The following TMEM184B variants were observed in gnomAD, a reference collection of about 807,000 sequenced individuals.
TMEM184B encodes transmembrane protein 184B.
In TMEM184B, 17 loss-of-function variants were observed where a neutral mutation model predicts 41.8. The observed-to-expected ratio is 0.41, with a 90% confidence interval of 0.28 to 0.61. TMEM184B has a LOEUF of 0.61. Ranked by LOEUF, TMEM184B falls within the 20% of genes least tolerant of loss-of-function variation. TMEM184B has a pLI of 0.34. For missense variants in TMEM184B, 393 were observed against 557.8 expected (o/e 0.70, Z 2.98); for synonymous variants, 240 against 229.5 (o/e 1.05, Z -0.41).
intron 3 of TMEM184B, among the ~76,000 whole-genome samples, chr22:38,235,102 C>G (rs2091740134): frequency 6.6e-6 from 1 of 152,204 alleles, no homozygotes; most frequent in Non-Finnish European, 1.5e-5. Context: ...GTCATCAACA[C>G]TGAAGGAAGG....
downstream of TMEM184B, chr22:38,219,160 C>A (rs999284064): frequency 9.9e-6 from 7 of 706,694 alleles, no homozygotes; most frequent in Non-Finnish European, 1.2e-5. Context: ...TCAATCCGAA[C>A]CCCCATCACT....
downstream of TMEM184B, chr22:38,219,222 G>T (rs923586308): frequency 1.0e-6 from 1 of 981,190 alleles, no homozygotes; most frequent in African/African-American, 1.7e-5. Context: ...TGTACCCACA[G>T]CCACTCCACC....
Position 38,220,211 on chromosome 22 carries a change from T to C in TMEM184B, c.*1258A>G. On this transcript the variant is annotated 3_prime_UTR_variant, in exon 9 of 9. Coordinates refer to ENST00000361906, the MANE Select transcript of TMEM184B (RefSeq NM_012264.5). ...GTTCCGGAGGCCCCAGGTCTAGAGG[T>C]GTGGAGGGGGAGAGGAGGGGCTTGG... 1 of 982,884 alleles carries C rather than the reference T, an allele frequency of 1.0e-6. No homozygotes were observed. The highest frequency in any genetic ancestry group is 1.2e-6 in the Non-Finnish European group (1 of 829,080). 60.9% of individuals were successfully genotyped at this position (982,884 alleles called of 1,614,324 possible).
intron 3 of TMEM184B, among the ~76,000 whole-genome samples, chr22:38,241,709 C>T (rs1018915228): frequency 1.3e-5 from 2 of 151,256 alleles, no homozygotes; most frequent in South Asian, 2.1e-4. Context: ...ACCATGAAAC[C>T]CTATCTCTAC....
Position 38,246,002 on chromosome 22 carries a change from G to A in TMEM184B, c.291C>T (p.Leu97=). ...GGTCGTTGGTGAAGAAGAGGAGGCT[G>A]AGCCAGGAGTCAAAGGCGTAGATGG... The part of the protein sequence containing the change: ...IVPIYAFDSW[L]SLLFFTNDQY... Residue 97 remains leucine, a synonymous_variant, in exon 3 of 9, where the codon CTC becomes CTT. Coordinates refer to ENST00000361906, the MANE Select transcript of TMEM184B (RefSeq NM_012264.5). 6.2e-7 allele frequency: 1 copy of A among 1,613,758 alleles called. No homozygotes were observed. The highest frequency in any genetic ancestry group is 1.3e-5 in the African/African-American group (1 of 75,044).
intron 1 of TMEM184B, among the ~76,000 whole-genome samples, chr22:38,271,199 T>G (rs1421244115): frequency 6.6e-6 from 1 of 152,210 alleles, no homozygotes; most frequent in Non-Finnish European, 1.5e-5. Flanking sequence ...GTGTCCATCT[T>G]CCCAGCACTG....
In TMEM184B at chr22:38,246,300, G is replaced by A. The variant is rs547965442; in HGVS notation, c.193-200C>T. Among the ~76,000 whole-genome samples the A allele has an allele frequency of 5.3e-5, 8 of 152,362 alleles. No homozygotes were observed. In the South Asian group the frequency reaches 6.2e-4, roughly 12 times the overall value. On this transcript the variant is annotated intron_variant, in intron 2 of 8. Coordinates refer to ENST00000361906, the MANE Select transcript of TMEM184B (RefSeq NM_012264.5). ...CATTGTGAGACTCAGACCAGCGGGC[G>A]TGCACAAGGCTCGTGGAGTGCATGC...
At chr22:38,272,318 G>A (rs1397327674) in intron 1 of TMEM184B, among the ~76,000 whole-genome samples, 1 of 152,100 alleles carries the variant, frequency 6.6e-6, no homozygotes, top group African/African-American at 2.4e-5. Flanking sequence ...CAGTCTCCAC[G>A]GTCCCTTTGG....
At position 38,221,689 on chromosome 22, in the gene TMEM184B, C is replaced by A; in HGVS notation, c.1004G>T (p.Ser335Ile). ...DAQGRCAPMK[S>I]ISSSLKETMN... ...GGTCTCCTTGAGGCTGCTGGAGATGCTCTTCATGGGGGCACAGCGGCCTGC... is the reference window on the plus strand; with the variant it reads ...GGTCTCCTTGAGGCTGCTGGAGATGATCTTCATGGGGGCACAGCGGCCTGC... The change falls in exon 9 of 9, where the codon AGC becomes ATC. Residue 335 changes from serine (S) to isoleucine (I), a missense_variant. Ser to Ile is a moderately radical substitution (Grantham distance 142). Transcript: ENST00000361906. 3.1e-6 allele frequency: 5 copies of A among 1,613,984 alleles called. No individual in the cohort carries two copies. The highest frequency in any genetic ancestry group is 4.2e-6 in the Non-Finnish European group (5 of 1,179,958).
chr22:38,220,723 G>A lies in TMEM184B; in HGVS notation c.*746C>T, dbSNP rs987209424. On this transcript the variant is annotated 3_prime_UTR_variant, in exon 9 of 9. Coordinates refer to ENST00000361906, the MANE Select transcript of TMEM184B (RefSeq NM_012264.5). ...AAGGACCCAAGTGAGCCGGCAGTGC[G>A]GGCTGTGGGCTGTCCTTGGTAGGCC... 27 of 986,166 alleles carry A rather than the reference G, an allele frequency of 2.7e-5. No individual in the cohort carries two copies. Among genetic ancestry groups the A allele is most frequent in the Non-Finnish European group, 3.0e-5 (25 of 830,252 alleles). 61.1% of individuals were successfully genotyped at this position (986,166 alleles called of 1,614,324 possible). A position where few individuals can be genotyped will look rare whatever the true frequency, so the allele number is the denominator to read the frequency against.
chr22:38,219,081 T>G (rs116822453), downstream of TMEM184B, among the ~76,000 whole-genome samples: 10,279 of 152,174 alleles, frequency 0.068, 1,059 homozygotes, highest in African/African-American at 0.23. Flanking sequence ...CCGTCCTGGG[T>G]TGGGAACTGG....
chr22:38,241,883 CAAAAAAAAAAAAAA>C (rs34060428), intron 3 of TMEM184B, among the ~76,000 whole-genome samples: 1 of 32,620 alleles, frequency 3.1e-5, no homozygotes, highest in Non-Finnish European at 6.5e-5. Context: ...GACTCCGTCT[CAAAAAAAAAAAAAA>C]AAAAAAAAAA....
chr22:38,265,518 G>A (rs1354596125), intron 1 of TMEM184B, among the ~76,000 whole-genome samples: 2 of 152,062 alleles, frequency 1.3e-5, no homozygotes, highest in South Asian at 4.1e-4. Context: ...TCCTCCCCCA[G>A]GATCTTAGGC....
Position 38,225,272 on chromosome 22 carries a change from G to T in TMEM184B, c.787+152C>A. 1 of 1,059,264 alleles carries T rather than the reference G, an allele frequency of 9.4e-7. No individual in the cohort carries two copies. The highest frequency in any genetic ancestry group is 1.3e-6 in the Non-Finnish European group (1 of 752,562). 65.6% of individuals were successfully genotyped at this position (1,059,264 alleles called of 1,614,324 possible). On this transcript the variant is annotated intron_variant, in intron 7 of 8. Transcript: ENST00000361906. The surrounding 1 kb of genome is among the most constrained non-coding windows in gnomAD (Gnocchi z 4.4). The stretch of plus-strand genomic sequence containing the variant: ...CCTAGCCCCTGGGAAAGGCCCTCGA[G>T]GGCTCAGATTTCACCCCCAGCAAGT...
At chr22:38,216,475 A>C (rs985607817), downstream of TMEM184B, 4 of 166,880 alleles carry the variant, frequency 2.4e-5, no homozygotes, top group African/African-American at 9.7e-5. Context: ...GACTTTCTAA[A>C]TAAAGTCAAA....
chr22:38,264,017 C>A (rs971017420), intron 1 of TMEM184B, among the ~76,000 whole-genome samples: 1 of 152,206 alleles, frequency 6.6e-6, no homozygotes, highest in Non-Finnish European at 1.5e-5. Flanking sequence ...GTTGGCCAGG[C>A]TGGTCTCGAC....
intron 2 of TMEM184B, among the ~76,000 whole-genome samples, chr22:38,247,526 C>T (rs1038439267): frequency 6.6e-6 from 1 of 152,172 alleles, no homozygotes; most frequent in Non-Finnish European, 1.5e-5. Flanking sequence ...TTCCAACCCA[C>T]GAGACAGAGG....
intron 1 of TMEM184B, among the ~76,000 whole-genome samples, chr22:38,259,405 G>A (rs944037152): frequency 1.3e-5 from 2 of 152,228 alleles, no homozygotes; most frequent in African/African-American, 4.8e-5. Context: ...GTCCTGAAAT[G>A]AGAGATTATC....
rs764432607 is a variant in TMEM184B at position 38,221,548 on chromosome 22, C to T, written c.1145G>A (p.Gly382Asp). 6.2e-7 allele frequency: 1 copy of T among 1,613,866 alleles called. No individual in the cohort carries two copies. The highest frequency in any genetic ancestry group is 8.5e-7 in the Non-Finnish European group (1 of 1,179,952). Residue 382 changes from glycine to aspartate, a missense_variant, in exon 9 of 9, where the codon GGC (glycine) becomes GAC (aspartate). Gly to Asp is a moderately conservative substitution (Grantham distance 94). Transcript: ENST00000361906. Reference protein sequence around the residue: ...PGPTWRGGAHGLSRSHSLSGA... With the variant: ...PGPTWRGGAHDLSRSHSLSGA... The stretch of plus-strand genomic sequence containing the variant: ...ACTGAGGCTGTGGGAGCGGGAGAGG[C>T]CGTGGGCGCCACCACGCCAGGTGGG...
Sources: allele counts gnomAD v4.1 joint callset (sites outside exome capture counted in the v4.1 genomes callset), GRCh38; gene constraint gnomAD v4.1.1; non-coding constraint Gnocchi (gnomAD v3.1); transcripts MANE v1.5; gene names NCBI Gene and HGNC (gene_info 2026-07-23, HGNC 2026-07-21).